Variants in TTLL11 observed in about 807,000 individuals in gnomAD.
TTLL11 encodes tubulin polyglutamylase TTLL11.
In TTLL11, 42 loss-of-function variants were observed where a neutral mutation model predicts 51.7. The observed-to-expected ratio is 0.81, with a 90% confidence interval of 0.64 to 1.05. The LOEUF (loss-of-function observed/expected upper bound fraction) is 1.05, where lower values mean the gene tolerates loss of function less well. TTLL11 is among the 50% of genes least tolerant of loss of function. TTLL11 has a pLI of 0.00. For synonymous variants in TTLL11, 381 were observed against 383.5 expected, an observed-to-expected ratio of 0.99 and a Z score of 0.08; for missense variants, 799 against 940.4, an observed-to-expected ratio of 0.85 and a Z score of 1.97.
rs1363895726 is a variant in TTLL11 at position 121,817,327 on chromosome 9, G to A, written c.*5260C>T. The A allele has an allele frequency of 6.6e-6, 1 of 152,244 alleles. No individual in the cohort carries two copies. The highest frequency in any genetic ancestry group is 1.5e-5 in the Non-Finnish European group (1 of 68,062). 9.4% of individuals were successfully genotyped at this position (152,244 alleles called of 1,614,324 possible). On this transcript the variant is annotated 3_prime_UTR_variant, in exon 9 of 9. Coordinates refer to ENST00000321582, the MANE Select transcript of TTLL11 (RefSeq NM_001139442.2). ...GGGAGGGCAGGAGGAGCTGACCAGTGTGGTTTCATCTGTCTTGATGGATAA... is the reference window on the plus strand; with the variant it reads ...GGGAGGGCAGGAGGAGCTGACCAGTATGGTTTCATCTGTCTTGATGGATAA...
At chr9:121,872,130 A>G (rs1251544434) in intron 6 of TTLL11, among the ~76,000 whole-genome samples, 1 of 152,222 alleles carries the variant, frequency 6.6e-6, no homozygotes, top group African/African-American at 2.4e-5. Context: ...AAATGTCCTC[A>G]TGCCCAGTGC....
intron 6 of TTLL11, among the ~76,000 whole-genome samples, chr9:121,964,245 A>G (rs1031065128): frequency 1.3e-5 from 2 of 151,502 alleles, no homozygotes; most frequent in South Asian, 2.1e-4. Context: ...AGAGGAGAGG[A>G]AAAAAAATCA....
At chr9:122,011,036 G>C (rs1448016858) in intron 3 of TTLL11, among the ~76,000 whole-genome samples, 2 of 152,172 alleles carry the variant, frequency 1.3e-5, no homozygotes, top group African/African-American at 4.8e-5. Context: ...TCACAGGAGG[G>C]ACCTGGTAGG....
rs1186819547 is a variant in TTLL11, at chr9:121,853,903, CAGAAGCACTTCCCG to C, written c.1840+6420_1840+6433del. ...GAGCAGCTGGCAGGGGTAGGTGCCC[CAGAAGCACTTCCCG>C]AGAAAGTAGTGCAGTAGGAGCAATG... On this transcript the variant is annotated intron_variant, in intron 8 of 8. Coordinates refer to ENST00000321582, the MANE Select transcript of TTLL11 (RefSeq NM_001139442.2). The surrounding 1 kb of genome is among the most constrained non-coding windows in gnomAD (Gnocchi z 5.6). Among the ~76,000 whole-genome samples, 2 of 152,198 alleles carry C rather than the reference CAGAAGCACTTCCCG, an allele frequency of 1.3e-5. No homozygotes were observed. The highest frequency in any genetic ancestry group is 2.9e-5 in the Non-Finnish European group (2 of 68,048).
At chr9:121,877,889 G>C (rs938656889) in intron 6 of TTLL11, among the ~76,000 whole-genome samples, 1 of 152,118 alleles carries the variant, frequency 6.6e-6, no homozygotes, top group Non-Finnish European at 1.5e-5. Context: ...CTCCATACAC[G>C]GGGAGCTGTC....
intron 1 of TTLL11, among the ~76,000 whole-genome samples, chr9:122,082,803 C>T (rs879777375): frequency 2.6e-5 from 4 of 151,928 alleles, no homozygotes; most frequent in Middle Eastern, 3.2e-3. Context: ...GAGGCTGAGG[C>T]GGGAGAATCA....
chr9:121,881,890 T>C (rs545010188), intron 6 of TTLL11, among the ~76,000 whole-genome samples: 1 of 152,290 alleles, frequency 6.6e-6, no homozygotes, highest in South Asian at 2.1e-4. Context: ...GATATTAAGA[T>C]GCACCTCCAG....
rs573772220 is a variant in TTLL11 at position 121,889,415 on chromosome 9, G to A, written c.1482-18667C>T. Among the ~76,000 whole-genome samples the A allele has an allele frequency of 2.6e-5, 4 of 152,164 alleles. No individual in the cohort carries two copies. The South Asian group carries it at 8.3e-4, about 32-fold the overall frequency. On this transcript the variant is annotated intron_variant, in intron 6 of 8. Coordinates refer to ENST00000321582, the MANE Select transcript of TTLL11 (RefSeq NM_001139442.2). ...TTACCATTTTAACTATTTTAAGTGTGTAATTCAGCAGCATGATGTACATTC... is the reference window on the plus strand; with the variant it reads ...TTACCATTTTAACTATTTTAAGTGTATAATTCAGCAGCATGATGTACATTC...
chr9:121,894,434 C>T (rs1248605961), intron 6 of TTLL11, among the ~76,000 whole-genome samples: 5 of 152,190 alleles, frequency 3.3e-5, no homozygotes, highest in Non-Finnish European at 7.3e-5. Flanking sequence ...ACTATAAAGA[C>T]ACATGCACAC....
At chr9:122,052,683 TG>T (rs1441550442) in intron 1 of TTLL11, among the ~76,000 whole-genome samples, 2 of 152,232 alleles carry the variant, frequency 1.3e-5, no homozygotes, top group African/African-American at 4.8e-5. Flanking sequence ...GGGGGTGTTT[TG>T]CAGGACTAGC....
At chr9:122,021,338 T>C (rs1844174437) in intron 3 of TTLL11, among the ~76,000 whole-genome samples, 1 of 152,178 alleles carries the variant, frequency 6.6e-6, no homozygotes, top group East Asian at 1.9e-4. Flanking sequence ...GCCAGGGTTC[T>C]CAGGACAGAG....
At chr9:122,055,079 A>G (rs1845255164) in intron 1 of TTLL11, among the ~76,000 whole-genome samples, 1 of 152,158 alleles carries the variant, frequency 6.6e-6, no homozygotes, top group South Asian at 2.1e-4. Context: ...CATGCCTCTG[A>G]GCCAGGCAGT....
At chr9:121,909,363 T>C (rs1840038022) in intron 6 of TTLL11, among the ~76,000 whole-genome samples, 1 of 152,096 alleles carries the variant, frequency 6.6e-6, no homozygotes, top group Admixed American at 6.6e-5. Flanking sequence ...GATTATCTAC[T>C]GGAACATCTG....
chr9:121,896,207 G>A (rs1313650415), intron 6 of TTLL11, among the ~76,000 whole-genome samples: 1 of 152,082 alleles, frequency 6.6e-6, no homozygotes, highest in Admixed American at 6.5e-5. Context: ...CCCAAGACAC[G>A]GAATGCTGGG....
At chr9:122,041,922 C>A (rs1844854387) in intron 1 of TTLL11, among the ~76,000 whole-genome samples, 1 of 150,990 alleles carries the variant, frequency 6.6e-6, no homozygotes, top group Admixed American at 6.6e-5. Context: ...AAAAATCCAT[C>A]CTAAAATTCA....
chr9:121,898,585 C>T (rs1010494567), intron 6 of TTLL11, among the ~76,000 whole-genome samples: 1 of 152,232 alleles, frequency 6.6e-6, no homozygotes, highest in Non-Finnish European at 1.5e-5. Context: ...CTAACGCTCC[C>T]ACCACAGAGC....
chr9:122,025,426 A>G (rs896565274), intron 3 of TTLL11, among the ~76,000 whole-genome samples: 4 of 152,190 alleles, frequency 2.6e-5, no homozygotes, highest in African/African-American at 9.6e-5. Context: ...TGAGCTCAGG[A>G]GTTCAAGACC....
intron 8 of TTLL11, among the ~76,000 whole-genome samples, chr9:121,838,927 G>A (rs1302999351): frequency 2.6e-5 from 4 of 152,062 alleles, no homozygotes; most frequent in East Asian, 1.9e-4. Context: ...ATCGAGCCCC[G>A]CCTCTCCAGC....
At chr9:121,856,151 A>G (rs1259188255) in intron 8 of TTLL11, among the ~76,000 whole-genome samples, 2 of 152,216 alleles carry the variant, frequency 1.3e-5, no homozygotes, top group East Asian at 1.9e-4. Context: ...AGCTCACTGC[A>G]GCCTTGAACT....
Sources: gnomAD v4.1 joint callset for allele counts (sites outside exome capture counted in the v4.1 genomes callset) on GRCh38, gnomAD v4.1.1 for gene constraint, Gnocchi (gnomAD v3.1) non-coding constraint, MANE v1.5 for transcripts, NCBI Gene and HGNC (gene_info 2026-07-23, HGNC 2026-07-21) for gene names.